The following ADAMTS16 variants were observed in gnomAD, a reference collection of about 807,000 sequenced individuals.
ADAMTS16 encodes the protein A disintegrin and metalloproteinase with thrombospondin motifs 16.
In ADAMTS16, 94 loss-of-function variants were observed where a neutral mutation model predicts 145.8. The observed-to-expected ratio is 0.64, with a 90% CI of 0.55 to 0.77. ADAMTS16 has a LOEUF of 0.77. Ranked by LOEUF, ADAMTS16 falls within the 30% of genes least tolerant of loss-of-function variation. The pLI is 0.00. For synonymous variants in ADAMTS16, 659 were observed against 604.3 expected (o/e 1.09, Z -1.33); for missense variants, 1,585 against 1,591.5 (o/e 1.00, Z 0.07).
At chr5:5,188,825 A>G (rs560660301) in intron 6 of ADAMTS16, among the ~76,000 whole-genome samples, 2 of 152,196 alleles carry the variant, frequency 1.3e-5, no homozygotes, top group Non-Finnish European at 2.9e-5. Flanking sequence ...GTGAGTGCGC[A>G]GTTGGGGAGG....
At chr5:5,283,457 CA>C (rs1187784491) in intron 18 of ADAMTS16, among the ~76,000 whole-genome samples, 1 of 152,074 alleles carries the variant, frequency 6.6e-6, no homozygotes, top group Non-Finnish European at 1.5e-5. Context: ...GGAAGAGACC[CA>C]TGCCCCTCCC....
chr5:5,190,162 G>T (rs577681378), intron 7 of ADAMTS16, 32 bp downstream of exon 7: 2 of 1,536,306 alleles, frequency 1.3e-6, no homozygotes, highest in Non-Finnish European at 1.7e-6. Context: ...TGAGGACCGT[G>T]TGTGGAATGT....
At chr5:5,222,317 A>ATGGG (rs1441946615) in intron 10 of ADAMTS16, among the ~76,000 whole-genome samples, 1 of 13,954 alleles carries the variant, frequency 7.2e-5, no homozygotes, top group Non-Finnish European at 1.3e-4. Flanking sequence ...GCATGGTTAA[A>ATGGG]TGGATGGATG....
At chr5:5,277,242 C>T (rs1738737009) in intron 18 of ADAMTS16, among the ~76,000 whole-genome samples, 1 of 152,160 alleles carries the variant, frequency 6.6e-6, no homozygotes, top group Admixed American at 6.5e-5. Flanking sequence ...AGAAGAAAAC[C>T]AGGCTTCCTC....
intron 17 of ADAMTS16, among the ~76,000 whole-genome samples, chr5:5,260,452 T>G (rs776069398): frequency 3.3e-5 from 5 of 152,230 alleles, no homozygotes; most frequent in Non-Finnish European, 7.3e-5. Context: ...ATCAGAGAAA[T>G]AATTGCAAAA....
At chr5:5,297,993 C>A (rs931611175) in intron 18 of ADAMTS16, among the ~76,000 whole-genome samples, 2 of 152,134 alleles carry the variant, frequency 1.3e-5, no homozygotes, top group Non-Finnish European at 2.9e-5. Context: ...CTGTTCCTTG[C>A]CAACCAGTCA....
At chr5:5,166,228 CT>C (rs199776567) in intron 3 of ADAMTS16, among the ~76,000 whole-genome samples, 2,434 of 151,756 alleles carry the variant, frequency 0.016, 54 homozygotes, top group African/African-American at 0.055. Flanking sequence ...CTCTCTCCCC[CT>C]GCCCCACTCA....
chr5:5,145,454 A>T (rs1323881421), intron 2 of ADAMTS16, among the ~76,000 whole-genome samples: 1 of 152,202 alleles, frequency 6.6e-6, no homozygotes, highest in African/African-American at 2.4e-5. Flanking sequence ...AGTCATTGAA[A>T]TCAGCCATGA....
At position 5,274,674 on chromosome 5, in the gene ADAMTS16, GTATATATATACATATATACA is replaced by G. The variant is rs372904794; in HGVS notation, c.2789+11900_2789+11919del. 3.3e-3 allele frequency among the ~76,000 whole-genome samples: 492 copies of G among 150,132 alleles called. 4 individuals carry two copies. Among genetic ancestry groups the G allele is most frequent in the African/African-American group, 0.012 (477 of 40,228 alleles). ...TATGTGTGTGCATGTGTGTATATGT[GTATATATATACATATATACA>G]TATATATACACATATATATGCATAC... On this transcript the variant is annotated intron_variant, in intron 18 of 22. Coordinates refer to ENST00000274181, the MANE Select transcript of ADAMTS16 (RefSeq NM_139056.4).
rs930609173 is a variant in ADAMTS16, at chr5:5,215,826, A to G, written c.1605+6580A>G. Among the ~76,000 whole-genome samples, 87 of 56,824 alleles carry G rather than the reference A, an allele frequency of 1.5e-3. No homozygotes were observed. In the East Asian group the frequency reaches 0.087, roughly 57 times the overall value. The allele number at this position is 56,824 out of a possible 152,430, so 37.3% of individuals were successfully genotyped here. ...TATATGTGTGGTATATATATGTGGT[A>G]TATATATGTGGTGTGTATATATATA... On this transcript the variant is annotated intron_variant, in intron 10 of 22. Coordinates refer to ENST00000274181, the MANE Select transcript of ADAMTS16 (RefSeq NM_139056.4).
At chr5:5,305,246 TC>T (rs1415185253) in intron 20 of ADAMTS16, among the ~76,000 whole-genome samples, 1 of 17,734 alleles carries the variant, frequency 5.6e-5, no homozygotes, top group Admixed American at 7.1e-4. Context: ...ACACACACAA[TC>T]CCACACCACA....
Position 5,259,737 on chromosome 5 carries a change from A to C in ADAMTS16, c.2663-2920A>C, listed in dbSNP as rs573317174. On this transcript the variant is annotated intron_variant, in intron 17 of 22. Transcript: ENST00000274181. ...GAACATGCAGTAGCTACCAGTGGGG[A>C]TGTTTAACCTTGTATCTGCAGCTTT... is the stretch of plus-strand genomic sequence containing the variant. Among the ~76,000 whole-genome samples the C allele has an allele frequency of 7.2e-5, 11 of 152,350 alleles. No homozygotes were observed. In the East Asian group the frequency reaches 1.7e-3, roughly 24 times the overall value.
intron 8 of ADAMTS16, among the ~76,000 whole-genome samples, chr5:5,198,217 G>A (rs1579304473): frequency 1.3e-5 from 2 of 152,098 alleles, no homozygotes; most frequent in Admixed American, 6.5e-5. Context: ...TTGGTATTTC[G>A]TGTTCCTCCT....
intron 9 of ADAMTS16, among the ~76,000 whole-genome samples, chr5:5,204,021 A>T (rs1736023884): frequency 6.6e-6 from 1 of 152,164 alleles, no homozygotes; most frequent in Non-Finnish European, 1.5e-5. Flanking sequence ...AATCATGGCC[A>T]GTTGTTGTCT....
chr5:5,171,939 A>G (rs1197760783), intron 3 of ADAMTS16, among the ~76,000 whole-genome samples: 2 of 152,018 alleles, frequency 1.3e-5, no homozygotes, highest in African/African-American at 4.8e-5. Flanking sequence ...TGGCTTTGAT[A>G]TTATTATTTG....
At chr5:5,216,609 A>AT (rs56086801) in intron 10 of ADAMTS16, among the ~76,000 whole-genome samples, 54,220 of 141,324 alleles carry the variant, frequency 0.38, 11,088 homozygotes, top group East Asian at 0.65. Flanking sequence ...TTTTTTTTCT[A>AT]TTTTTTTTTA....
intron 18 of ADAMTS16, among the ~76,000 whole-genome samples, chr5:5,281,074 C>A (rs186438155): frequency 6.6e-6 from 1 of 152,204 alleles, no homozygotes; most frequent in African/African-American, 2.4e-5. Flanking sequence ...AAAAGAGAAG[C>A]AGAAATGTCC....
chr5:5,283,260 A>T (rs11134101), intron 18 of ADAMTS16, among the ~76,000 whole-genome samples: 6 of 152,104 alleles, frequency 3.9e-5, no homozygotes, highest in Non-Finnish European at 8.8e-5. Context: ...TATGTATCAC[A>T]TATTACATTG....
At chr5:5,260,362 T>C (rs1315374303) in intron 17 of ADAMTS16, among the ~76,000 whole-genome samples, 1 of 152,266 alleles carries the variant, frequency 6.6e-6, no homozygotes, top group South Asian at 2.1e-4. Context: ...GCTCAATATG[T>C]TAAAATAATT....
Sources: gnomAD v4.1 joint callset for allele counts (sites outside exome capture counted in the v4.1 genomes callset) on GRCh38, gnomAD v4.1.1 for gene constraint, MANE v1.5 for transcripts, NCBI Gene and HGNC (gene_info 2026-07-23, HGNC 2026-07-21) for gene names.